RGS7: variants seen among roughly 807,000 people sequenced by gnomAD.
RGS7 encodes the protein regulator of G protein signaling 7.
Under a neutral mutation model 81.1 loss-of-function variants are expected in RGS7, and 27 were observed. The observed-to-expected ratio is 0.33, with a 90% CI of 0.25 to 0.46. RGS7 has a LOEUF of 0.46. Among genes scored for constraint, RGS7 ranks in the 20% least tolerant of loss-of-function variants. RGS7 has a pLI of 1.00. For missense variants in RGS7, 396 were observed against 607.4 expected (o/e 0.65, Z 3.66); for synonymous variants, 208 against 207.7 (o/e 1.00, Z -0.01).
chr1:241,145,898 C>A (rs2068277505), intron 2 of RGS7, among the ~76,000 whole-genome samples: 2 of 152,098 alleles, frequency 1.3e-5, no homozygotes, highest in South Asian at 4.1e-4. Flanking sequence ...TTGCATATTT[C>A]CCAAGATGCT....
chr1:240,950,899 T>C (rs1398200347), intron 4 of RGS7, among the ~76,000 whole-genome samples: 6 of 152,054 alleles, frequency 3.9e-5, no homozygotes, highest in Non-Finnish European at 7.4e-5. Context: ...TAATACAAGA[T>C]GTGCAGCTTT....
At chr1:241,206,734 C>T (rs2073910994) in intron 2 of RGS7, among the ~76,000 whole-genome samples, 1 of 152,068 alleles carries the variant, frequency 6.6e-6, no homozygotes, top group African/African-American at 2.4e-5. Flanking sequence ...TTGGGACTAG[C>T]TCTCACATGA....
At position 241,192,159 on chromosome 1, in the gene RGS7, G is replaced by GGTATGTGTGTGTGT. The variant is rs1432006795; in HGVS notation, c.79-93398_79-93397insACACACACACATAC. ...CCTGATCATTTGGCTAGAGAAAACA[G>GGTATGTGTGTGTGT]GTGTGTGTGTGTGTGTGTGTGTGTG... On this transcript the variant is annotated intron_variant, in intron 2 of 18. Coordinates refer to ENST00000440928, the MANE Select transcript of RGS7 (RefSeq NM_001364886.1). Among the ~76,000 whole-genome samples the GGTATGTGTGTGTGT allele has an allele frequency of 5.7e-5, 7 of 122,010 alleles. No individual in the cohort carries two copies. In the East Asian group the frequency reaches 1.3e-3, roughly 23 times the overall value. The allele number at this position is 122,010 out of a possible 152,430, so 80.0% of individuals were successfully genotyped here.
intron 6 of RGS7, among the ~76,000 whole-genome samples, chr1:240,880,138 C>T (rs12760014): frequency 0.013 from 1,951 of 152,080 alleles, 43 homozygotes; most frequent in African/African-American, 0.042. Context: ...ACCTCCTGGG[C>T]TTAAGTAATC....
At position 241,271,884 on chromosome 1, in the gene RGS7, CGTGTGTGTGTGTGT is replaced by C. The variant is rs373357799; in HGVS notation, c.78+83801_78+83814del. 0.21 allele frequency among the ~76,000 whole-genome samples: 28,842 copies of C among 140,312 alleles called. 3,166 individuals carry two copies. The highest frequency in any genetic ancestry group is 0.25 in the Non-Finnish European group (16,144 of 65,652). The allele number at this position is 140,312 out of a possible 152,430, so 92.1% of individuals were successfully genotyped here. A position where few individuals can be genotyped will look rare whatever the true frequency, so the allele number is the denominator to read the frequency against. On this transcript the variant is annotated intron_variant, in intron 2 of 18. Transcript: ENST00000440928. This position sits in a 1 kb window ranked among gnomAD's most constrained non-coding sequence, Gnocchi z 4.6. ...AATCACACAAGCCAAATCTTTATAA[CGTGTGTGTGTGTGT>C]GTGTGTGTGTGTGTGTGTGTGTGTG...
At chr1:240,911,334 A>C (rs1671716875) in intron 6 of RGS7, among the ~76,000 whole-genome samples, 1 of 151,678 alleles carries the variant, frequency 6.6e-6, no homozygotes, top group Non-Finnish European at 1.5e-5. Flanking sequence ...TTGCTTCTTC[A>C]CCTCTCATCC....
At chr1:241,021,356 T>C (rs1055020633) in intron 3 of RGS7, among the ~76,000 whole-genome samples, 3 of 152,112 alleles carry the variant, frequency 2.0e-5, no homozygotes, top group Non-Finnish European at 4.4e-5. Flanking sequence ...ACAACAAAGG[T>C]TGTTTCAAAA....
intron 2 of RGS7, among the ~76,000 whole-genome samples, chr1:241,277,788 C>T (rs990799078): frequency 1.3e-5 from 2 of 152,146 alleles, no homozygotes; most frequent in East Asian, 1.9e-4. Flanking sequence ...AAGAAAGATG[C>T]ATTTGTTTAG....
chr1:241,215,992 C>A (rs555472571), intron 2 of RGS7, among the ~76,000 whole-genome samples: 2 of 152,320 alleles, frequency 1.3e-5, no homozygotes, highest in African/African-American at 4.8e-5. Flanking sequence ...AGAATAAAGG[C>A]CGGGCGCGGT....
intron 14 of RGS7, among the ~76,000 whole-genome samples, chr1:240,810,825 A>G (rs1689723113): frequency 6.6e-6 from 1 of 152,196 alleles, no homozygotes; most frequent in African/African-American, 2.4e-5. Flanking sequence ...TCAATACAGA[A>G]CTTTAGCAAC....
intron 6 of RGS7, among the ~76,000 whole-genome samples, chr1:240,877,731 A>G (rs534887630): frequency 2.0e-5 from 3 of 152,170 alleles, no homozygotes; most frequent in Non-Finnish European, 2.9e-5. Context: ...ATGTATATAT[A>G]TGTGTCTTTA....
chr1:241,026,216 G>A (rs911143053), intron 3 of RGS7, among the ~76,000 whole-genome samples: 12 of 152,154 alleles, frequency 7.9e-5, no homozygotes, highest in African/African-American at 2.9e-4. Flanking sequence ...ACACACAGAG[G>A]GAACTCGGTA....
intron 2 of RGS7, among the ~76,000 whole-genome samples, chr1:241,325,260 T>C (rs1008130393): frequency 2.0e-5 from 3 of 152,160 alleles, no homozygotes; most frequent in African/African-American, 7.2e-5. Context: ...AAATTAGATA[T>C]AAGGGGGAGG....
intron 9 of RGS7, among the ~76,000 whole-genome samples, chr1:240,855,424 CTTCT>C (rs1320590327): frequency 2.8e-5 from 4 of 140,874 alleles, no homozygotes; most frequent in African/African-American, 1.0e-4. Context: ...TCTTCCTTTT[CTTCT>C]TTGTTTCTTC....
intron 6 of RGS7, among the ~76,000 whole-genome samples, chr1:240,928,405 G>A (rs370082701): frequency 6.6e-6 from 1 of 152,170 alleles, no homozygotes; most frequent in African/African-American, 2.4e-5. Flanking sequence ...ATTTTGGGAC[G>A]ATCTACTTTA....
chr1:240,788,210 C>T (rs1685389739), intron 18 of RGS7, among the ~76,000 whole-genome samples: 1 of 152,102 alleles, frequency 6.6e-6, no homozygotes, highest in Non-Finnish European at 1.5e-5. Flanking sequence ...TCTTTTTATA[C>T]TCAAATTTCG....
At chr1:241,347,132 T>C (rs2082943197) in intron 2 of RGS7, among the ~76,000 whole-genome samples, 1 of 152,188 alleles carries the variant, frequency 6.6e-6, no homozygotes, top group African/African-American at 2.4e-5. Context: ...GAAGGTCATG[T>C]AGATTTGTAT....
At chr1:240,874,535 AAAAT>A (rs1665035551) in intron 6 of RGS7, among the ~76,000 whole-genome samples, 1 of 152,234 alleles carries the variant, frequency 6.6e-6, no homozygotes, top group Non-Finnish European at 1.5e-5. Context: ...GTATGTAACA[AAAAT>A]AAATATGTGC....
intron 2 of RGS7, among the ~76,000 whole-genome samples, chr1:241,252,439 C>T (rs1466733263): frequency 6.6e-6 from 1 of 152,200 alleles, no homozygotes; most frequent in Non-Finnish European, 1.5e-5. Context: ...CTCAATAACT[C>T]ACCTTGCCCC....
Sources: allele counts gnomAD v4.1 joint callset (sites outside exome capture counted in the v4.1 genomes callset), GRCh38; gene constraint gnomAD v4.1.1; non-coding constraint Gnocchi (gnomAD v3.1); transcripts MANE v1.5; gene names NCBI Gene and HGNC (gene_info 2026-07-23, HGNC 2026-07-21).